Variants in VRK2 observed in about 807,000 individuals in gnomAD.
The protein encoded by VRK2 is serine/threonine-protein kinase VRK2.
In VRK2, 60 loss-of-function variants were observed where a neutral mutation model predicts 57.6. The ratio of observed to expected loss-of-function variants is 1.04; its 90% CI spans 0.85 to 1.29. The LOEUF is 1.29. Ranked by LOEUF, VRK2 falls within the 50% of genes most tolerant of loss-of-function variation. The pLI, the probability that VRK2 is intolerant of heterozygous loss-of-function variation, is 0.00. For missense variants in VRK2, 705 were observed against 588.1 expected (o/e 1.20, Z -2.06); for synonymous variants, 231 against 199.2 (o/e 1.16, Z -1.35).
intron 1 of VRK2, among the ~76,000 whole-genome samples, chr2:57,925,045 TC>T (rs1670486182): frequency 6.6e-6 from 1 of 152,120 alleles, no homozygotes; most frequent in African/African-American, 2.4e-5. Flanking sequence ...CATCTTTGCA[TC>T]CCTGGGATCA....
chr2:58,137,331 T>G (rs556876350), intron 10 of VRK2, among the ~76,000 whole-genome samples: 1 of 150,412 alleles, frequency 6.6e-6, no homozygotes, highest in South Asian at 2.1e-4. Flanking sequence ...CTGTTCAGTT[T>G]AGGGTAAGAA....
chr2:58,086,183 T>G, intron 4 of VRK2, 156 bp from the exon 5 acceptor site: 1 of 569,366 alleles, frequency 1.8e-6, no homozygotes, highest in Non-Finnish European at 3.0e-6. Flanking sequence ...GGTAACAGTT[T>G]GAGGCCATTA....
intron 1 of VRK2, among the ~76,000 whole-genome samples, chr2:58,016,411 A>G (rs1673584831): frequency 6.6e-6 from 1 of 152,142 alleles, no homozygotes; most frequent in Non-Finnish European, 1.5e-5. Context: ...CAGTGGCGCA[A>G]TCTTGGCTCA....
intron 1 of VRK2, among the ~76,000 whole-genome samples, chr2:57,962,514 T>C (rs1310315469): frequency 1.3e-5 from 2 of 152,140 alleles, no homozygotes; most frequent in Admixed American, 6.5e-5. Context: ...GATTAATTAG[T>C]CACCTAGGTA....
At chr2:57,994,157 T>C (rs913935368) in intron 1 of VRK2, among the ~76,000 whole-genome samples, 1 of 152,162 alleles carries the variant, frequency 6.6e-6, no homozygotes, top group Non-Finnish European at 1.5e-5. Context: ...TAAAGAAAAC[T>C]TTATGGTCAT....
chr2:57,990,502 T>G (rs1018154463), intron 1 of VRK2, among the ~76,000 whole-genome samples: 1 of 152,198 alleles, frequency 6.6e-6, no homozygotes. Flanking sequence ...CATTAACGTT[T>G]GCCTTTCAAA....
chr2:58,091,342 G>A (rs963182768), intron 7 of VRK2, among the ~76,000 whole-genome samples: 2 of 151,950 alleles, frequency 1.3e-5, no homozygotes, highest in African/African-American at 4.8e-5. Context: ...TTTCCACTCA[G>A]TTTTACCTAC....
chr2:58,000,853 C>A (rs1399753180), intron 1 of VRK2, among the ~76,000 whole-genome samples: 1 of 152,170 alleles, frequency 6.6e-6, no homozygotes, highest in Non-Finnish European at 1.5e-5. Flanking sequence ...AGTAATAATA[C>A]AAATAGAAAT....
intron 1 of VRK2, among the ~76,000 whole-genome samples, chr2:57,967,702 T>C (rs79329883): frequency 0.023 from 3,501 of 152,302 alleles, 63 homozygotes; most frequent in Non-Finnish European, 0.038. Context: ...CTTAAGAACT[T>C]ATCTATATAA....
At chr2:57,940,214 T>A (rs1671048717) in intron 1 of VRK2, among the ~76,000 whole-genome samples, 1 of 152,098 alleles carries the variant, frequency 6.6e-6, no homozygotes, top group South Asian at 2.1e-4. Flanking sequence ...CAGGAGAGCC[T>A]GTGGTGTAAT....
intron 3 of VRK2, among the ~76,000 whole-genome samples, chr2:58,038,795 C>T (rs1019083804): frequency 3.9e-5 from 6 of 152,110 alleles, no homozygotes; most frequent in African/African-American, 1.4e-4. Flanking sequence ...AAGATACATA[C>T]ACCTTTTTTC....
At chr2:58,003,765 T>C (rs1049798501) in intron 1 of VRK2, among the ~76,000 whole-genome samples, 33 of 152,278 alleles carry the variant, frequency 2.2e-4, no homozygotes, top group African/African-American at 7.7e-4. Flanking sequence ...ATTTCAGTTA[T>C]AATTCTAATC....
upstream of VRK2, among the ~76,000 whole-genome samples, chr2:58,045,473 A>T (rs1481394402): frequency 6.6e-6 from 1 of 152,230 alleles, no homozygotes; most frequent in Non-Finnish European, 1.5e-5. Flanking sequence ...TAGGATTATT[A>T]TGCATCTGTT....
chr2:58,020,233 CAG>C (rs1469281089), intron 1 of VRK2, among the ~76,000 whole-genome samples: 1 of 152,178 alleles, frequency 6.6e-6, no homozygotes, highest in Non-Finnish European at 1.5e-5. Context: ...TTTTTAGAGA[CAG>C]AGTCTTGCTC....
intron 7 of VRK2, among the ~76,000 whole-genome samples, chr2:58,096,314 CTG>C (rs1673121948): frequency 6.6e-6 from 1 of 151,966 alleles, no homozygotes; most frequent in African/African-American, 2.4e-5. Flanking sequence ...GTTTTATTTT[CTG>C]TGTTTTAGAA....
intron 2 of VRK2, among the ~76,000 whole-genome samples, chr2:58,073,831 A>G (rs1268492403): frequency 2.0e-5 from 3 of 151,992 alleles, no homozygotes; most frequent in Non-Finnish European, 4.4e-5. Context: ...AGCATCCAGC[A>G]TGGGAGAATG....
At chr2:58,143,427 C>T (rs180831844) in intron 11 of VRK2, among the ~76,000 whole-genome samples, 2 of 152,082 alleles carry the variant, frequency 1.3e-5, no homozygotes, top group African/African-American at 4.8e-5. Flanking sequence ...CTACTTCACT[C>T]TTACAATAAA....
chr2:57,914,316 T>C (rs1670081873), intron 1 of VRK2, among the ~76,000 whole-genome samples: 1 of 151,884 alleles, frequency 6.6e-6, no homozygotes, highest in Non-Finnish European at 1.5e-5. Flanking sequence ...AATGACTACA[T>C]GAATTGTATA....
At chr2:58,106,411 G>A (rs1299776109) in intron 7 of VRK2, among the ~76,000 whole-genome samples, 1 of 152,018 alleles carries the variant, frequency 6.6e-6, no homozygotes, top group Non-Finnish European at 1.5e-5. Context: ...AGCAGATCAT[G>A]AGGTCAAAAT....
Sources: allele counts gnomAD v4.1 joint callset (sites outside exome capture counted in the v4.1 genomes callset), GRCh38; gene constraint gnomAD v4.1.1; transcripts MANE v1.5; gene names NCBI Gene and HGNC (gene_info 2026-07-23, HGNC 2026-07-21).